The following ZNF611 variants were observed in gnomAD, a reference collection of about 807,000 sequenced individuals.
ZNF611 encodes the protein zinc finger protein 611.
A neutral mutation model predicts 8.9 loss-of-function variants in ZNF611; 6 were observed. That is an observed-to-expected ratio of 0.68 (90% CI 0.37 to 1.34). The LOEUF (loss-of-function observed/expected upper bound fraction) is 1.34. Ranked by LOEUF, ZNF611 falls within the 40% of genes most tolerant of loss-of-function variation. The probability of loss-of-function intolerance (pLI) is 0.02; values close to 1 mark genes in which losing one functional copy is unlikely to be tolerated. For synonymous variants in ZNF611, 262 were observed against 279.7 expected (o/e 0.94, Z 0.63); for missense variants, 874 against 841.3 (o/e 1.04, Z -0.48).
chr19:52,730,391 C>CAAAAAAA lies in ZNF611; in HGVS notation c.-221-393_-221-387dup, dbSNP rs1159350274. ...TGGGCGACAGAGCCAGACTCCGTCT[C>CAAAAAAA]AAAAAAAAAAAAAAAAAAAAAAAAA... On this transcript the variant is annotated intron_variant, in intron 1 of 5. Coordinates refer to ENST00000652185, the MANE Select transcript of ZNF611 (RefSeq NM_001161499.2). 1.6e-4 allele frequency among the ~76,000 whole-genome samples: 12 copies of CAAAAAAA among 73,562 alleles called. 1 individual carries two copies. The highest frequency in any genetic ancestry group is 2.2e-4 in the Non-Finnish European group (9 of 40,292). 48.3% of individuals were successfully genotyped at this position (73,562 alleles called of 152,430 possible).
At chr19:52,730,730 A>G (rs1319468986) in intron 1 of ZNF611, among the ~76,000 whole-genome samples, 2 of 150,662 alleles carry the variant, frequency 1.3e-5, no homozygotes, top group Non-Finnish European at 3.0e-5. Flanking sequence ...GATTACAGGC[A>G]TGCACCATCA....
chr19:52,729,509 A>G (rs1422260348), intron 2 of ZNF611, among the ~76,000 whole-genome samples: 2 of 147,756 alleles, frequency 1.4e-5, no homozygotes, highest in African/African-American at 5.1e-5. Flanking sequence ...AAAAAAAAAA[A>G]AAAAAAAAAG....
chr19:52,717,204 A>G (rs983855169), intron 3 of ZNF611, among the ~76,000 whole-genome samples: 1 of 152,186 alleles, frequency 6.6e-6, no homozygotes, highest in African/African-American at 2.4e-5. Flanking sequence ...TCTCCATAAA[A>G]TGTATAAAAT....
intron 3 of ZNF611, among the ~76,000 whole-genome samples, chr19:52,718,471 C>CTGTG (rs1276320069): frequency 6.6e-6 from 1 of 152,074 alleles, no homozygotes; most frequent in Non-Finnish European, 1.5e-5. Context: ...TGCCACTGCA[C>CTGTG]TCCAGCCTGG....
At chr19:52,731,993 C>T (rs1406451484) in intron 1 of ZNF611, among the ~76,000 whole-genome samples, 2 of 143,534 alleles carry the variant, frequency 1.4e-5, no homozygotes, top group African/African-American at 2.6e-5. Flanking sequence ...AAAAAATGGC[C>T]GGGCGGGTGG....
At position 52,704,755 on chromosome 19, in the gene ZNF611, C is replaced by T. The variant is rs1376260903; in HGVS notation, c.*182G>A. ...TGTTGACTGCTTGCCAAAGGCTTTGCCACACTCATTACACTTGTAAGGTTT... is the reference window on the plus strand; with the variant it reads ...TGTTGACTGCTTGCCAAAGGCTTTGTCACACTCATTACACTTGTAAGGTTT... On this transcript the variant is annotated 3_prime_UTR_variant, in exon 6 of 6. Transcript: ENST00000652185. The T allele has an allele frequency of 2.5e-6, 4 of 1,596,098 alleles. No homozygotes were observed. In the African/African-American group the frequency reaches 4.0e-5, roughly 16 times the overall value.
intron 3 of ZNF611, 100 bp from the exon 4 acceptor site, chr19:52,716,013 G>A (rs1257986594): frequency 7.5e-7 from 1 of 1,327,456 alleles, no homozygotes; most frequent in Non-Finnish European, 1.1e-6. Context: ...GTAGAAAGAA[G>A]TCCCCCACTG....
intron 1 of ZNF611, among the ~76,000 whole-genome samples, chr19:52,734,512 C>T (rs1191249904): frequency 1.6e-5 from 2 of 121,592 alleles, no homozygotes; most frequent in African/African-American, 6.3e-5. Context: ...CAGCAGGCCC[C>T]GGCATGAGGA....
Position 52,705,978 on chromosome 19 carries a change from T to A in ZNF611, c.1077A>T (p.Ser359=), listed in dbSNP as rs764496945. 5 of 1,614,064 alleles carry A rather than the reference T, an allele frequency of 3.1e-6. No individual in the cohort carries two copies. In the East Asian group the frequency reaches 8.9e-5, roughly 29 times the overall value. ...DKAFNQQSQL[S]HHRIHTGEKP... is the part of the protein sequence containing the mutation. The stretch of plus-strand genomic sequence containing the variant: ...TCTCTCCAGTATGAATTCTATGATG[T>A]GAAAGTTGTGATTGTTGATTAAAAG... Residue 359 remains serine (S), a synonymous_variant, in exon 6 of 6, where the codon TCA becomes TCT. Coordinates refer to ENST00000652185, the MANE Select transcript of ZNF611 (RefSeq NM_001161499.2).
chr19:52,729,514 AAAAAGAAAAGAAAGAAAAAGAAAACAAT>A lies in ZNF611; in HGVS notation c.-122+364_-122+391del, dbSNP rs1311502725. 8.7e-5 allele frequency among the ~76,000 whole-genome samples: 13 copies of A among 148,664 alleles called. No individual in the cohort carries two copies. In the East Asian group the frequency reaches 2.5e-3, roughly 29 times the overall value. On this transcript the variant is annotated intron_variant, in intron 2 of 5. Transcript: ENST00000652185. Reference sequence around the variant, plus strand: ...TCTCAAAAAAAAAAAAAAAAAAAAAAAAAAGAAAAGAAAGAAAAAGAAAACAATGTTAATACAATATTTTTCTGAATAC... The same window carrying A: ...TCTCAAAAAAAAAAAAAAAAAAAAAAGTTAATACAATATTTTTCTGAATAC...
At position 52,704,677 on chromosome 19, in the gene ZNF611, T is replaced by G; in HGVS notation, c.*260A>C. ...AGCATTACTGAAGACTTTGTGACAATCATTACATTAGTCAAGTTTCCCTAC... is the reference window on the plus strand; with the variant it reads ...AGCATTACTGAAGACTTTGTGACAAGCATTACATTAGTCAAGTTTCCCTAC... On this transcript the variant is annotated 3_prime_UTR_variant, in exon 6 of 6. Coordinates refer to ENST00000652185, the MANE Select transcript of ZNF611 (RefSeq NM_001161499.2). 1 of 1,596,412 alleles carries G rather than the reference T, an allele frequency of 6.3e-7. No individual in the cohort carries two copies. The highest frequency in any genetic ancestry group is 1.1e-5 in the South Asian group (1 of 90,354).
chr19:52,703,923 C>T lies in ZNF611; in HGVS notation c.*1014G>A, dbSNP rs2062222084. The T allele has an allele frequency of 6.0e-6, 1 of 166,850 alleles. No individual in the cohort carries two copies. The highest frequency in any genetic ancestry group is 1.3e-5 in the Non-Finnish European group (1 of 76,926). The allele number at this position is 166,850 out of a possible 1,614,324, so 10.3% of individuals were successfully genotyped here. A position where few individuals can be genotyped will look rare whatever the true frequency, so the allele number is the denominator to read the frequency against. On this transcript the variant is annotated 3_prime_UTR_variant, in exon 6 of 6. Transcript: ENST00000652185. ...CCTTTTAAAAATTACTATGATATAT[C>T]CCTTTCAAAAAGTACTAACTGAAAA...
In ZNF611 at chr19:52,704,258, C is replaced by A; in HGVS notation, c.*679G>T. ...TTAATGCTTGATGGTTTGCTATACT[C>A]ATTTCATTGGGAACGGTTATCTCAA... On this transcript the variant is annotated 3_prime_UTR_variant, in exon 6 of 6. Coordinates refer to ENST00000652185, the MANE Select transcript of ZNF611 (RefSeq NM_001161499.2). 2.1e-6 allele frequency: 1 copy of A among 481,942 alleles called. No individual in the cohort carries two copies. The highest frequency in any genetic ancestry group is 1.7e-5 in the South Asian group (1 of 60,534). 29.9% of individuals were successfully genotyped at this position (481,942 alleles called of 1,614,324 possible).
At chr19:52,725,106 C>T (rs2062383250) in intron 3 of ZNF611, among the ~76,000 whole-genome samples, 1 of 152,132 alleles carries the variant, frequency 6.6e-6, no homozygotes, top group African/African-American at 2.4e-5. Context: ...GAGTAAGAGG[C>T]CTACATCCTG....
At chr19:52,727,010 C>T (rs1166272636) in intron 3 of ZNF611, among the ~76,000 whole-genome samples, 1 of 151,956 alleles carries the variant, frequency 6.6e-6, no homozygotes, top group Admixed American at 6.6e-5. Flanking sequence ...GTATTACAAG[C>T]GCACATGACC....
Position 52,706,784 on chromosome 19 carries a change from G to A in ZNF611, c.271C>T (p.Gln91Ter), listed in dbSNP as rs573877579. 3.1e-6 allele frequency: 5 copies of A among 1,614,008 alleles called. No individual in the cohort carries two copies. The South Asian group carries it at 4.4e-5, about 14-fold the overall frequency. ...NTEVIHTGTLQRHESHHIGDF... is the reference protein window; with the variant it reads ...NTEVIHTGTL ...CCAATGTGATGACTTTCATGTCTTT[G>A]CAATGTCCCTGTGTGGATCACTTCT... is the stretch of plus-strand genomic sequence containing the variant. Residue 91 changes from glutamine (Q) to a stop codon, truncating the protein, a stop_gained, in exon 6 of 6, where the codon CAA (glutamine) becomes TAA (stop). Coordinates refer to ENST00000652185, the MANE Select transcript of ZNF611 (RefSeq NM_001161499.2). LOFTEE classifies it low-confidence loss of function (END_TRUNC).
chr19:52,731,045 G>A (rs1319149717), intron 1 of ZNF611, among the ~76,000 whole-genome samples: 1 of 151,916 alleles, frequency 6.6e-6, no homozygotes, highest in Admixed American at 6.6e-5. Context: ...ACAGATGCAT[G>A]CCACCACCCC....
At position 52,714,117 on chromosome 19, in the gene ZNF611, C is replaced by G; in HGVS notation, c.88G>C (p.Ala30Pro). 6.2e-7 allele frequency: 1 copy of G among 1,613,756 alleles called. No individual in the cohort carries two copies. The highest frequency in any genetic ancestry group is 8.5e-7 in the Non-Finnish European group (1 of 1,179,928). The change falls in exon 5 of 6, where the codon GCT becomes CCT. Residue 30 changes from alanine (A) to proline (P), a missense_variant. Ala to Pro is a conservative substitution (Grantham distance 27, BLOSUM62 -1). Transcript: ENST00000652185. ...CACTCTGCCAATGAGAATTCTATAG[C>G]CACATCCCGGAAAGTCAAGCGTCCC... is the stretch of plus-strand genomic sequence containing the variant. ...PQGRLTFRDVAIEFSLAEWKC... is the reference protein window; with the variant it reads ...PQGRLTFRDVPIEFSLAEWKC...
Position 52,705,974 on chromosome 19 carries a change from G to C in ZNF611, c.1081C>G (p.His361Asp). ...AFNQQSQLSH[H>D]RIHTGEKPYK... ...GGTTTCTCTCCAGTATGAATTCTATGATGTGAAAGTTGTGATTGTTGATTA... is the reference window on the plus strand; with the variant it reads ...GGTTTCTCTCCAGTATGAATTCTATCATGTGAAAGTTGTGATTGTTGATTA... Residue 361 changes from histidine to aspartate, a missense_variant, in exon 6 of 6, where the codon CAT (histidine) becomes GAT (aspartate). His to Asp is a moderately conservative substitution (Grantham distance 81, BLOSUM62 -1). Coordinates refer to ENST00000652185, the MANE Select transcript of ZNF611 (RefSeq NM_001161499.2). 6.2e-7 allele frequency: 1 copy of C among 1,614,116 alleles called. No homozygotes were observed. Among genetic ancestry groups the C allele is most frequent in the Non-Finnish European group, 8.5e-7 (1 of 1,180,020 alleles).
Sources: gnomAD v4.1 joint callset for allele counts (sites outside exome capture counted in the v4.1 genomes callset) on GRCh38, gnomAD v4.1.1 for gene constraint, MANE v1.5 for transcripts, NCBI Gene and HGNC (gene_info 2026-07-23, HGNC 2026-07-21) for gene names.